NAALADL2: variants seen among roughly 807,000 people sequenced by gnomAD.
The protein encoded by NAALADL2 is inactive N-acetylated-alpha-linked acidic dipeptidase-like protein 2.
In NAALADL2, 76 loss-of-function variants were observed where a neutral mutation model predicts 87.2. That is an observed-to-expected ratio of 0.87 (90% CI 0.72 to 1.05). NAALADL2 has a LOEUF of 1.05. NAALADL2 is among the 50% of genes least tolerant of loss of function. The pLI is 0.00. For missense variants in NAALADL2, 1,089 were observed against 945.8 expected (o/e 1.15, Z -1.99); for synonymous variants, 354 against 331.0 (o/e 1.07, Z -0.75).
rs1041128755 is a variant in NAALADL2, at chr3:174,636,763, T to TA, written c.-115+86134dup. 5.3e-5 allele frequency among the ~76,000 whole-genome samples: 8 copies of TA among 151,734 alleles called. No individual in the cohort carries two copies. In the South Asian group the frequency reaches 6.3e-4, roughly 12 times the overall value. The stretch of plus-strand genomic sequence containing the variant: ...ACAATATGGAGAGTTGTCAAAAAAA[T>TA]AAAAAAAACTAACTAAAAATAGAAC... On this transcript the variant is annotated intron_variant, in intron 2 of 3. Coordinates refer to the NAALADL2 transcript ENST00000434257.
chr3:174,643,041 C>A, intron 2 of NAALADL2, among the ~76,000 whole-genome samples: 1 of 152,146 alleles, frequency 6.6e-6, no homozygotes, highest in Admixed American at 6.5e-5. Flanking sequence ...CTCGGCCTCC[C>A]AAAGTGTTGG....
chr3:175,085,379 C>T (rs1016306292), intron 1 of NAALADL2, among the ~76,000 whole-genome samples: 13 of 152,130 alleles, frequency 8.5e-5, no homozygotes, highest in Non-Finnish European at 1.5e-4. Flanking sequence ...CTGCTTATAA[C>T]TTGTGTTGCA....
intron 5 of NAALADL2, among the ~76,000 whole-genome samples, chr3:175,428,912 G>C (rs1389222087): frequency 1.3e-5 from 2 of 151,942 alleles, no homozygotes; most frequent in Non-Finnish European, 2.9e-5. Context: ...TATCTGGCTT[G>C]TTCCTTACTC....
chr3:175,170,714 A>C (rs867803343), intron 2 of NAALADL2, among the ~76,000 whole-genome samples: 85 of 151,542 alleles, frequency 5.6e-4, no homozygotes, highest in African/African-American at 1.9e-3. Context: ...GGAAACTAAA[A>C]TAAACAGCCC....
chr3:174,703,814 C>T (rs1729804806), intron 2 of NAALADL2, among the ~76,000 whole-genome samples: 1 of 152,126 alleles, frequency 6.6e-6, no homozygotes. Context: ...CTACTCTGCT[C>T]TTAGAATTTT....
chr3:175,037,270 C>T (rs1753533653), intron 1 of NAALADL2, among the ~76,000 whole-genome samples: 1 of 152,012 alleles, frequency 6.6e-6, no homozygotes, highest in Admixed American at 6.6e-5. Context: ...ATTAGAACAC[C>T]CTTTGCTGAC....
At chr3:175,639,296 G>GT (rs909257456) in intron 11 of NAALADL2, among the ~76,000 whole-genome samples, 9 of 133,840 alleles carry the variant, frequency 6.7e-5, no homozygotes, top group East Asian at 6.6e-4. Context: ...GCCCACAGCA[G>GT]TTTTTTTTCA....
At chr3:174,917,773 A>T (rs1734608186) in intron 1 of NAALADL2, among the ~76,000 whole-genome samples, 1 of 151,766 alleles carries the variant, frequency 6.6e-6, no homozygotes, top group Non-Finnish European at 1.5e-5. Context: ...ATTTTAGGGA[A>T]TTAAAAAGAG....
Position 175,762,192 on chromosome 3 carries a change from A to ATTTTTTTTTTTT in NAALADL2, c.2189+6778_2189+6789dup, listed in dbSNP as rs55668165. On this transcript the variant is annotated intron_variant, in intron 13 of 13. Transcript: ENST00000454872. The stretch of plus-strand genomic sequence containing the variant: ...TGAAAAGGATAAGGTCTGTGTTTCG[A>ATTTTTTTTTTTT]TTTTTTTTTTTTTTTGCATGTAGAT... 8.1e-4 allele frequency among the ~76,000 whole-genome samples: 92 copies of ATTTTTTTTTTTT among 114,128 alleles called. 6 individuals are homozygous for ATTTTTTTTTTTT. The highest frequency in any genetic ancestry group is 4.1e-3 in the East Asian group (16 of 3,880). The allele number at this position is 114,128 out of a possible 152,430, so 74.9% of individuals were successfully genotyped here.
At chr3:175,091,789 G>A (rs1426096572) in intron 1 of NAALADL2, among the ~76,000 whole-genome samples, 1 of 151,954 alleles carries the variant, frequency 6.6e-6, no homozygotes, top group East Asian at 1.9e-4. Flanking sequence ...ATAGTCAAAT[G>A]TAATAATGAA....
chr3:175,277,224 A>ACTT lies in NAALADL2; in HGVS notation c.939+20697_939+20699dup, dbSNP rs1753723964. Among the ~76,000 whole-genome samples the ACTT allele has an allele frequency of 2.0e-5, 3 of 152,086 alleles. 1 individual carries two copies. The highest frequency in any genetic ancestry group is 2.0e-4 in the Admixed American group (3 of 15,266). The stretch of plus-strand genomic sequence containing the variant: ...CTGGCTATGTTATGATACTAGAAAA[A>ACTT]CTTCTACAGTGCCAACATATCTTTA... On this transcript the variant is annotated intron_variant, in intron 4 of 13. Coordinates refer to ENST00000454872, the MANE Select transcript of NAALADL2 (RefSeq NM_207015.3).
chr3:174,627,181 A>G (rs1345582384), intron 2 of NAALADL2, among the ~76,000 whole-genome samples: 1 of 152,158 alleles, frequency 6.6e-6, no homozygotes, highest in Non-Finnish European at 1.5e-5. Flanking sequence ...GGAGCAGTGA[A>G]TAAATTATTT....
chr3:175,175,761 G>C (rs185350551), intron 2 of NAALADL2, among the ~76,000 whole-genome samples: 4 of 151,948 alleles, frequency 2.6e-5, no homozygotes, highest in African/African-American at 4.8e-5. Flanking sequence ...CACTCAATCT[G>C]TACTAGTGAA....
intron 3 of NAALADL2, among the ~76,000 whole-genome samples, chr3:174,758,253 T>A (rs768547608): frequency 4.6e-5 from 7 of 152,358 alleles, no homozygotes; most frequent in Non-Finnish European, 1.0e-4. Context: ...AATTATGTTA[T>A]GTATTTTACT....
intron 2 of NAALADL2, among the ~76,000 whole-genome samples, chr3:174,682,159 G>C (rs478992): frequency 6.6e-6 from 1 of 152,006 alleles, no homozygotes; most frequent in African/African-American, 2.4e-5. Context: ...GTCTTGCAAA[G>C]TGGATACCAG....
chr3:174,584,119 A>C (rs1182596175), intron 2 of NAALADL2, among the ~76,000 whole-genome samples: 4 of 152,134 alleles, frequency 2.6e-5, no homozygotes, highest in African/African-American at 9.7e-5. Flanking sequence ...ATAAAGTATA[A>C]TTCATAAGAG....
At chr3:174,838,461 C>T (rs1242828561) in intron 3 of NAALADL2, among the ~76,000 whole-genome samples, 1 of 152,154 alleles carries the variant, frequency 6.6e-6, no homozygotes, top group African/African-American at 2.4e-5. Flanking sequence ...TCTCACCACT[C>T]CTCTCCAGCA....
At chr3:175,591,804 A>G (rs879394271) in intron 10 of NAALADL2, among the ~76,000 whole-genome samples, 12,120 of 34,404 alleles carry the variant, frequency 0.35, 935 homozygotes, top group Middle Eastern at 0.4. Flanking sequence ...ATATATATAT[A>G]TATATATATA....
chr3:175,731,142 C>A, intron 11 of NAALADL2, among the ~76,000 whole-genome samples: 1 of 152,126 alleles, frequency 6.6e-6, no homozygotes, highest in Non-Finnish European at 1.5e-5. Context: ...CTGACTTAAA[C>A]CTCGTGTTAT....
Sources: gnomAD v4.1 joint callset for allele counts (sites outside exome capture counted in the v4.1 genomes callset) on GRCh38, gnomAD v4.1.1 for gene constraint, MANE v1.5 for transcripts, NCBI Gene and HGNC (gene_info 2026-07-23, HGNC 2026-07-21) for gene names.